GPBP1: variants seen among roughly 807,000 people sequenced by gnomAD.
The protein encoded by GPBP1 is GC-rich promoter binding protein 1.
GPBP1 carries 13 observed loss-of-function variants against 56.5 expected under a neutral mutation model. That is an observed-to-expected ratio of 0.23 (90% CI 0.15 to 0.37). The LOEUF (loss-of-function observed/expected upper bound fraction) is 0.37. Among genes scored for constraint, GPBP1 ranks in the 10% least tolerant of loss-of-function variants. The pLI is 1.00. For synonymous variants in GPBP1, 204 were observed against 188.9 expected (o/e 1.08, Z -0.66); for missense variants, 477 against 572.3 (o/e 0.83, Z 1.70).
intron 3 of GPBP1, chr5:57,230,638 CAT>C (rs2093333222): frequency 3.6e-6 from 2 of 557,996 alleles, no homozygotes; most frequent in Non-Finnish European, 6.3e-6. Context: ...ACTCTAAGCA[CAT>C]GTGCTTGTTT....
chr5:57,237,267 T>C, intron 6 of GPBP1: 1 of 859,436 alleles, frequency 1.2e-6, no homozygotes, highest in Non-Finnish European at 1.9e-6. Context: ...TCTAAGAAAT[T>C]AGGAATAATT....
chr5:57,175,391 G>A lies in GPBP1; in HGVS notation c.-1010-57G>A, dbSNP rs1464423720. On this transcript the variant is annotated intron_variant, in intron 1 of 11. Transcript: ENST00000506184. ...AGGTTGACTTTTTAAGTTGGGGATT[G>A]ATTTTTTTAGCTCAAAATCAAAACT... The A allele has an allele frequency of 1.0e-5, 4 of 397,308 alleles. No individual in the cohort carries two copies. In the East Asian group the frequency reaches 1.4e-4, roughly 14 times the overall value. The allele number at this position is 397,308 out of a possible 1,614,324, so 24.6% of individuals were successfully genotyped here.
At chr5:57,174,834 G>C (rs978656127) in intron 1 of GPBP1, among the ~76,000 whole-genome samples, 2 of 152,168 alleles carry the variant, frequency 1.3e-5, no homozygotes, top group African/African-American at 4.8e-5. Flanking sequence ...TTCTTAATTC[G>C]AGGAAGTGGA....
Position 57,263,311 on chromosome 5 carries a change from C to T in GPBP1, c.*559C>T, listed in dbSNP as rs573344714. ...CACTAAAACAATTTCCTGAACTCAC[C>T]TGTTGTACTATTCACCTTTTAAACC... On this transcript the variant is annotated 3_prime_UTR_variant, in exon 12 of 12. Transcript: ENST00000506184. 6.6e-6 allele frequency: 1 copy of T among 152,258 alleles called. No individual in the cohort carries two copies. The highest frequency in any genetic ancestry group is 1.5e-5 in the Non-Finnish European group (1 of 68,088). The allele number at this position is 152,258 out of a possible 1,614,324, so 9.4% of individuals were successfully genotyped here.
At chr5:57,224,906 T>TGAAC (rs1386468669) in intron 3 of GPBP1, among the ~76,000 whole-genome samples, 3 of 150,680 alleles carry the variant, frequency 2.0e-5, no homozygotes, top group South Asian at 2.1e-4. Context: ...TTTGCTTGAG[T>TGAAC]GAACTGCTCA....
At chr5:57,215,684 G>A (rs545022094) in intron 3 of GPBP1, among the ~76,000 whole-genome samples, 1 of 152,208 alleles carries the variant, frequency 6.6e-6, no homozygotes, top group Non-Finnish European at 1.5e-5. Flanking sequence ...CTTACTACCA[G>A]TATCTCCATT....
At chr5:57,184,701 T>C (rs964796124) in intron 2 of GPBP1, among the ~76,000 whole-genome samples, 1 of 152,160 alleles carries the variant, frequency 6.6e-6, no homozygotes, top group Non-Finnish European at 1.5e-5. Flanking sequence ...TTCTTTAAAG[T>C]GTATACAGTT....
chr5:57,261,645 C>T (rs1382381536), intron 11 of GPBP1, among the ~76,000 whole-genome samples: 2 of 152,064 alleles, frequency 1.3e-5, no homozygotes, highest in African/African-American at 4.8e-5. Flanking sequence ...ATTTTCCAGA[C>T]CTTTTTTGTT....
chr5:57,179,444 G>GT (rs1364204830), intron 2 of GPBP1, among the ~76,000 whole-genome samples: 1 of 152,104 alleles, frequency 6.6e-6, no homozygotes, highest in African/African-American at 2.4e-5. Context: ...AACTCCTGGG[G>GT]TTAAGGGTTC....
intron 3 of GPBP1, among the ~76,000 whole-genome samples, chr5:57,225,137 C>T (rs1756123110): frequency 6.6e-6 from 1 of 151,956 alleles, no homozygotes; most frequent in Admixed American, 6.6e-5. Context: ...GTAAGAAATA[C>T]AATAGGACTA....
At chr5:57,200,851 T>C (rs1754989043) in intron 2 of GPBP1, among the ~76,000 whole-genome samples, 1 of 152,132 alleles carries the variant, frequency 6.6e-6, no homozygotes, top group Non-Finnish European at 1.5e-5. Flanking sequence ...GCGGCTAGTT[T>C]ATATTTTTAG....
chr5:57,218,628 G>A (rs1755799791), intron 3 of GPBP1, among the ~76,000 whole-genome samples: 1 of 152,058 alleles, frequency 6.6e-6, no homozygotes, highest in Admixed American at 6.6e-5. Flanking sequence ...AGACTGTTGG[G>A]GGCCCCAGTC....
chr5:57,223,802 A>T (rs902643454), intron 3 of GPBP1, among the ~76,000 whole-genome samples: 8 of 149,142 alleles, frequency 5.4e-5, no homozygotes, highest in South Asian at 2.1e-4. Flanking sequence ...TTTAAAATTT[A>T]TAATTTTAAA....
chr5:57,262,496 G>T (rs1199984725), intron 11 of GPBP1, 98 bp from the exon 12 acceptor site: 7 of 871,082 alleles, frequency 8.0e-6, no homozygotes, highest in Middle Eastern at 2.5e-4. Flanking sequence ...TGTAGTTTTT[G>T]GGTTAGGATA....
chr5:57,232,522 GT>G (rs1327875393), intron 5 of GPBP1, among the ~76,000 whole-genome samples: 1 of 152,186 alleles, frequency 6.6e-6, no homozygotes, highest in African/African-American at 2.4e-5. Context: ...ATTTGGAGGT[GT>G]TTTTACCTTT....
At chr5:57,246,940 T>C in intron 7 of GPBP1, 135 bp from the exon 8 acceptor site, 1 of 607,414 alleles carries the variant, frequency 1.6e-6, no homozygotes, top group East Asian at 3.0e-5. Context: ...TATGTAGGAA[T>C]AATGCAGTGT....
At chr5:57,234,904 A>G (rs1756601221) in intron 5 of GPBP1, among the ~76,000 whole-genome samples, 1 of 152,236 alleles carries the variant, frequency 6.6e-6, no homozygotes. Flanking sequence ...AACACAGATT[A>G]TAGCTTGGTG....
intron 3 of GPBP1, among the ~76,000 whole-genome samples, chr5:57,230,223 C>T (rs62355757): frequency 0.021 from 3,208 of 152,182 alleles, 61 homozygotes; most frequent in Middle Eastern, 0.048. Context: ...TAAGCCACCG[C>T]GCCCGGCCTA....
At chr5:57,238,418 T>A (rs1251081568) in intron 6 of GPBP1, among the ~76,000 whole-genome samples, 1 of 151,926 alleles carries the variant, frequency 6.6e-6, no homozygotes, top group Non-Finnish European at 1.5e-5. Flanking sequence ...ATTAGCCGGG[T>A]GTGGTGGCGC....
Sources: gnomAD v4.1 joint callset for allele counts (sites outside exome capture counted in the v4.1 genomes callset) on GRCh38, gnomAD v4.1.1 for gene constraint, MANE v1.5 for transcripts, NCBI Gene and HGNC (gene_info 2026-07-23, HGNC 2026-07-21) for gene names.